Variants in RASA1 observed in about 807,000 individuals in gnomAD.
The protein encoded by RASA1 is RAS p21 protein activator 1, also known as ras GTPase-activating protein 1.
RASA1 carries 25 observed loss-of-function variants against 132.2 expected under a neutral mutation model. That is an observed-to-expected ratio of 0.19 (90% confidence interval 0.14 to 0.26). The LOEUF (loss-of-function observed/expected upper bound fraction) is 0.26. Ranked by LOEUF, RASA1 falls within the 10% of genes least tolerant of loss-of-function variation. RASA1 has a pLI of 1.00. For missense variants in RASA1, 964 were observed against 1,299.2 expected (o/e 0.74, Z 3.97); for synonymous variants, 477 against 449.9 (o/e 1.06, Z -0.76).
intron 4 of RASA1, among the ~76,000 whole-genome samples, chr5:87,337,732 G>C (rs1210020652): frequency 2.0e-5 from 3 of 152,008 alleles, no homozygotes; most frequent in South Asian, 2.1e-4. Context: ...GATATAGTTA[G>C]TGCAGATACT....
At position 87,268,718 on chromosome 5, in the gene RASA1, A is replaced by T. The variant is rs760349620; in HGVS notation, c.267A>T (p.Gly89=). 2.2e-5 allele frequency: 36 copies of T among 1,610,928 alleles called. No individual in the cohort carries two copies. The highest frequency in any genetic ancestry group is 1.7e-5 in the Admixed American group (1 of 59,410). Residue 89 remains glycine (G), a synonymous_variant, in exon 1 of 25, where the codon GGA becomes GGT. Coordinates refer to ENST00000274376, the MANE Select transcript of RASA1 (RefSeq NM_002890.3). ...TGGGGGGAGCTGGACTGACAGGGGG[A>T]GGTACTGCTGCTGGCGTAGCTGGTG... ...GALGGAGLTG[G]GTAAGVAGAA...
At chr5:87,362,066 T>A (rs1042606458) in intron 9 of RASA1, among the ~76,000 whole-genome samples, 1 of 152,146 alleles carries the variant, frequency 6.6e-6, no homozygotes, top group Non-Finnish European at 1.5e-5. Context: ...GTTAGGTATT[T>A]GAAGTGTGTA....
chr5:87,375,219 G>C lies in RASA1; in HGVS notation c.2011+303G>C, dbSNP rs141799251. On this transcript the variant is annotated intron_variant, in intron 15 of 24. Transcript: ENST00000274376. ...AATGATTACAGTGGTCTTTTTGTAG[G>C]GCTTGCCCTCATCCCTTCTTTCTAC... Among the ~76,000 whole-genome samples, 254 of 152,048 alleles carry C rather than the reference G, an allele frequency of 1.7e-3. 2 individuals carry two copies. Among genetic ancestry groups the C allele is most frequent in the African/African-American group, 4.8e-3 (201 of 41,516 alleles).
chr5:87,343,660 GA>G, intron 6 of RASA1, among the ~76,000 whole-genome samples: 1 of 152,086 alleles, frequency 6.6e-6, no homozygotes, highest in East Asian at 1.9e-4. Context: ...GCACAGCATG[GA>G]AGTTCTTCAA....
intron 1 of RASA1, among the ~76,000 whole-genome samples, chr5:87,273,420 TAAAGA>T (rs1435553318): frequency 6.6e-6 from 1 of 152,174 alleles, no homozygotes; most frequent in African/African-American, 2.4e-5. Flanking sequence ...AAGGTTAAAT[TAAAGA>T]AGTTTGTCAC....
rs192404503 is a variant in RASA1, at chr5:87,305,673, G to A, written c.540-25675G>A. On this transcript the variant is annotated intron_variant, in intron 1 of 24. Coordinates refer to ENST00000274376, the MANE Select transcript of RASA1 (RefSeq NM_002890.3). ...ATGAAAGAGCTTCTGCACAGCAAAA[G>A]TAACTATCAACAGAGTAAACAGACA... Among the ~76,000 whole-genome samples, 723 of 152,302 alleles carry A rather than the reference G, an allele frequency of 4.7e-3. 5 individuals are homozygous for A. The highest frequency in any genetic ancestry group is 0.017 in the African/African-American group (689 of 41,562).
chr5:87,331,237 G>A, intron 1 of RASA1, 111 bp from the exon 2 acceptor site: 3 of 1,179,528 alleles, frequency 2.5e-6, no homozygotes, highest in Non-Finnish European at 3.8e-6. Context: ...AAATGTAAAT[G>A]TTTAAGTTAC....
intron 20 of RASA1, among the ~76,000 whole-genome samples, chr5:87,383,188 A>G (rs1324855725): frequency 6.6e-6 from 1 of 152,160 alleles, no homozygotes; most frequent in Non-Finnish European, 1.5e-5. Context: ...CTCTAGTGCA[A>G]TGGATTCTTA....
intron 9 of RASA1, 82 bp from the exon 10 acceptor site, chr5:87,362,469 C>G (rs2112455839): frequency 7.1e-7 from 1 of 1,413,734 alleles, no homozygotes; most frequent in Non-Finnish European, 9.9e-7. Flanking sequence ...AGCGCTTTGG[C>G]TTTTAATTGG....
intron 9 of RASA1, among the ~76,000 whole-genome samples, chr5:87,353,949 C>T (rs779474535): frequency 6.6e-6 from 1 of 151,982 alleles, no homozygotes; most frequent in Non-Finnish European, 1.5e-5. Context: ...CTTCAAAAGA[C>T]GGATTAATAA....
At chr5:87,278,497 G>C (rs1754165909) in intron 1 of RASA1, among the ~76,000 whole-genome samples, 1 of 151,920 alleles carries the variant, frequency 6.6e-6, no homozygotes, top group East Asian at 1.9e-4. Context: ...AGTGAGCCGA[G>C]ATCATGCCAC....
chr5:87,280,656 TG>T (rs1754276628), intron 1 of RASA1, among the ~76,000 whole-genome samples: 2 of 152,196 alleles, frequency 1.3e-5, no homozygotes, highest in South Asian at 4.1e-4. Context: ...ATACCTTCTT[TG>T]GTGAAATGTC....
rs1341342574 is a variant in RASA1 at position 87,379,786 on chromosome 5, C to T, written c.2539C>T (p.His847Tyr). 1.9e-6 allele frequency: 3 copies of T among 1,612,762 alleles called. No homozygotes were observed. Among genetic ancestry groups the T allele is most frequent in the East Asian group, 2.2e-5 (1 of 44,720 alleles). ...KNEDVNTNLTHLLNILSELVE... is the reference protein window; with the variant it reads ...KNEDVNTNLTYLLNILSELVE... ...TGAAGATGTGAACACTAATTTAACACACCTATTGAACATACTTTCAGAGCT... is the reference window on the plus strand; with the variant it reads ...TGAAGATGTGAACACTAATTTAACATACCTATTGAACATACTTTCAGAGCT... The change falls in exon 19 of 25, where the codon CAC (histidine) becomes TAC (tyrosine). Residue 847 changes from histidine (H) to tyrosine (Y), a missense_variant. By Grantham distance (83) the His-to-Tyr change is moderately conservative. Coordinates refer to ENST00000274376, the MANE Select transcript of RASA1 (RefSeq NM_002890.3).
intron 1 of RASA1, among the ~76,000 whole-genome samples, chr5:87,270,062 T>C (rs933991421): frequency 9.9e-5 from 15 of 151,804 alleles, no homozygotes; most frequent in African/African-American, 3.6e-4. Flanking sequence ...GCCAACCTGG[T>C]GAAACCCTGT....
chr5:87,346,444 G>A (rs1397468426), intron 6 of RASA1, among the ~76,000 whole-genome samples: 2 of 151,964 alleles, frequency 1.3e-5, no homozygotes, highest in East Asian at 3.9e-4. Flanking sequence ...TATTGGTAAT[G>A]AAAATTGTAG....
At chr5:87,271,940 G>A (rs987134555) in intron 1 of RASA1, among the ~76,000 whole-genome samples, 1 of 151,826 alleles carries the variant, frequency 6.6e-6, no homozygotes, top group Non-Finnish European at 1.5e-5. Flanking sequence ...GATCACTTGA[G>A]GTCAGAGTTC....
chr5:87,335,083 T>C (rs1201159716), intron 4 of RASA1, among the ~76,000 whole-genome samples: 1 of 152,160 alleles, frequency 6.6e-6, no homozygotes, highest in African/African-American at 2.4e-5. Flanking sequence ...GGTTTTGCCA[T>C]GTTGGCCAGG....
At chr5:87,358,897 C>A (rs1262534016) in intron 9 of RASA1, among the ~76,000 whole-genome samples, 1 of 152,132 alleles carries the variant, frequency 6.6e-6, no homozygotes, top group Non-Finnish European at 1.5e-5. Context: ...TATCCACTAG[C>A]CTCACTCTTA....
At chr5:87,357,255 A>G (rs1267628293) in intron 9 of RASA1, among the ~76,000 whole-genome samples, 1 of 152,014 alleles carries the variant, frequency 6.6e-6, no homozygotes, top group East Asian at 1.9e-4. Flanking sequence ...TATGTTTTAT[A>G]TATGTGTATT....
Sources: gnomAD v4.1 joint callset for allele counts (sites outside exome capture counted in the v4.1 genomes callset) on GRCh38, gnomAD v4.1.1 for gene constraint, MANE v1.5 for transcripts, NCBI Gene and HGNC (gene_info 2026-07-23, HGNC 2026-07-21) for gene names.